PTPRR: variants seen among roughly 807,000 people sequenced by gnomAD.
PTPRR encodes the protein receptor-type tyrosine-protein phosphatase R.
A neutral mutation model predicts 77.2 loss-of-function variants in PTPRR; 38 were observed. The ratio of observed to expected loss-of-function variants is 0.49; its 90% CI spans 0.38 to 0.65. PTPRR has a LOEUF of 0.65. PTPRR is among the 30% of genes least tolerant of loss of function. The pLI, the probability that PTPRR is intolerant of heterozygous loss-of-function variation, is 0.00. For missense variants in PTPRR, 744 were observed against 799.2 expected (o/e 0.93, Z 0.83); for synonymous variants, 299 against 283.1 (o/e 1.06, Z -0.57).
intron 2 of PTPRR, among the ~76,000 whole-genome samples, chr12:70,886,224 G>A (rs578152043): frequency 2.6e-5 from 4 of 152,296 alleles, no homozygotes; most frequent in South Asian, 4.1e-4. Context: ...GCTCAAGAAC[G>A]GAATTTCTAC....
Position 70,656,782 on chromosome 12 carries a change from G to A in PTPRR, c.1802C>T (p.Thr601Ile). Reference protein sequence around the residue: ...GIGRTGCFIATSIGCQQLKEE... With the variant: ...GIGRTGCFIAISIGCQQLKEE... The stretch of plus-strand genomic sequence containing the variant: ...TTTCAGCTGTTGACAGCCAATGGAT[G>A]TAGCAATAAAACACCCTGTTCTACC... Residue 601 changes from threonine to isoleucine, a missense_variant, in exon 13 of 14, where the codon ACA (threonine) becomes ATA (isoleucine). Transcript: ENST00000283228. 6.2e-7 allele frequency: 1 copy of A among 1,613,752 alleles called. No individual in the cohort carries two copies. The highest frequency in any genetic ancestry group is 8.5e-7 in the Non-Finnish European group (1 of 1,179,850).
At chr12:70,715,251 A>G (rs1888980510) in intron 6 of PTPRR, among the ~76,000 whole-genome samples, 1 of 152,104 alleles carries the variant, frequency 6.6e-6, no homozygotes. Flanking sequence ...GGGAGTTTCA[A>G]AAGGGGAGGG....
At chr12:70,759,692 A>C (rs1378341517) in intron 4 of PTPRR, among the ~76,000 whole-genome samples, 14 of 149,902 alleles carry the variant, frequency 9.3e-5, no homozygotes, top group Middle Eastern at 3.4e-3. Flanking sequence ...AAAAAAAAAA[A>C]AAAAAAAAAA....
intron 13 of PTPRR, among the ~76,000 whole-genome samples, chr12:70,655,449 T>TTC (rs1886540785): frequency 6.6e-6 from 1 of 152,238 alleles, no homozygotes; most frequent in Non-Finnish European, 1.5e-5. Flanking sequence ...CATACGCATG[T>TTC]TCATAGCAGC....
At chr12:70,684,925 T>C (rs968680842) in intron 8 of PTPRR, 142 bp from the exon 9 acceptor site, 5 of 559,938 alleles carry the variant, frequency 8.9e-6, no homozygotes, top group Non-Finnish European at 1.6e-5. Context: ...TGTCCATTGC[T>C]TGATCCATAT....
intron 13 of PTPRR, among the ~76,000 whole-genome samples, chr12:70,650,205 G>C (rs1886343442): frequency 6.6e-6 from 1 of 152,124 alleles, no homozygotes; most frequent in Non-Finnish European, 1.5e-5. Context: ...CACTTTGGCA[G>C]CCCGAGGCAG....
At chr12:70,827,709 CTTTTTTTTTTTTTT>C (rs869285373) in intron 2 of PTPRR, among the ~76,000 whole-genome samples, 2 of 63,870 alleles carry the variant, frequency 3.1e-5, no homozygotes, top group South Asian at 9.2e-4. Context: ...CCACACCTGG[CTTTTTTTTTTTTTT>C]TTTTTTTTTT....
At chr12:70,772,871 T>A (rs996656904) in intron 2 of PTPRR, among the ~76,000 whole-genome samples, 1 of 152,122 alleles carries the variant, frequency 6.6e-6, no homozygotes, top group African/African-American at 2.4e-5. Flanking sequence ...TATCTTACTT[T>A]ATTTTTTTTT....
intron 12 of PTPRR, among the ~76,000 whole-genome samples, chr12:70,659,650 G>A (rs1886722423): frequency 6.6e-6 from 1 of 151,924 alleles, no homozygotes; most frequent in African/African-American, 2.4e-5. Context: ...CTGTTTTTTT[G>A]TTTTTGTTTT....
intron 3 of PTPRR, among the ~76,000 whole-genome samples, chr12:70,762,218 C>T (rs1890707896): frequency 6.6e-6 from 1 of 151,960 alleles, no homozygotes; most frequent in African/African-American, 2.4e-5. Flanking sequence ...GAGACTTTTC[C>T]TATTAGTATT....
intron 2 of PTPRR, among the ~76,000 whole-genome samples, chr12:70,870,637 A>G (rs895211453): frequency 6.6e-6 from 1 of 152,228 alleles, no homozygotes; most frequent in Admixed American, 6.6e-5. Context: ...CTGGAATGTC[A>G]AAAGAATGAG....
chr12:70,699,455 T>A (rs1888343921), intron 7 of PTPRR, among the ~76,000 whole-genome samples: 1 of 148,008 alleles, frequency 6.8e-6, no homozygotes, highest in Admixed American at 6.6e-5. Context: ...TATTAATTAA[T>A]TTATTTTTAG....
rs1289372160 is a variant in PTPRR, at chr12:70,722,988, G to C, written c.1008-21665C>G. On this transcript the variant is annotated intron_variant, in intron 6 of 13. Transcript: ENST00000283228. ...AGTGCCTACAAGTTTTACGCACTGA[G>C]TTTTTACTGTTTAGATGTGCGGGTC... 2.0e-5 allele frequency among the ~76,000 whole-genome samples: 3 copies of C among 152,212 alleles called. No homozygotes were observed. In the South Asian group the frequency reaches 6.2e-4, roughly 32 times the overall value.
intron 6 of PTPRR, among the ~76,000 whole-genome samples, chr12:70,731,663 G>A (rs983564342): frequency 2.6e-5 from 4 of 152,200 alleles, no homozygotes; most frequent in Non-Finnish European, 5.9e-5. Context: ...GGTGGCAAGT[G>A]AGAATTTCTC....
chr12:70,881,483 C>T (rs1293555373), intron 2 of PTPRR, among the ~76,000 whole-genome samples: 2 of 152,120 alleles, frequency 1.3e-5, no homozygotes, highest in East Asian at 3.9e-4. Context: ...AACATTTGGC[C>T]TATCCCCTCA....
chr12:70,857,267 G>C (rs1212478341), intron 2 of PTPRR, among the ~76,000 whole-genome samples: 1 of 152,144 alleles, frequency 6.6e-6, no homozygotes, highest in Non-Finnish European at 1.5e-5. Context: ...CAGAGTAGTA[G>C]TAGGAAAGGC....
intron 1 of PTPRR, among the ~76,000 whole-genome samples, chr12:70,906,588 C>A (rs529866048): frequency 1.1e-4 from 17 of 151,902 alleles, no homozygotes; most frequent in Admixed American, 2.6e-4. Flanking sequence ...ATATGACAAC[C>A]AATGTTAGTT....
At chr12:70,894,290 A>G (rs1294104075) in intron 1 of PTPRR, among the ~76,000 whole-genome samples, 5 of 151,758 alleles carry the variant, frequency 3.3e-5, no homozygotes, top group Non-Finnish European at 7.4e-5. Context: ...CCCAAATTCA[A>G]TAGAATTATC....
At chr12:70,789,659 A>G (rs941563658) in intron 2 of PTPRR, among the ~76,000 whole-genome samples, 1 of 152,188 alleles carries the variant, frequency 6.6e-6, no homozygotes, top group Non-Finnish European at 1.5e-5. Context: ...AAAAATTAAG[A>G]CATTATCTCT....
Sources: allele counts gnomAD v4.1 joint callset (sites outside exome capture counted in the v4.1 genomes callset), GRCh38; gene constraint gnomAD v4.1.1; transcripts MANE v1.5; gene names NCBI Gene and HGNC (gene_info 2026-07-23, HGNC 2026-07-21).